The following MAPKAP1 variants were observed in gnomAD, a reference collection of about 807,000 sequenced individuals.
The protein encoded by MAPKAP1 is MAPK associated protein 1.
MAPKAP1 carries 20 observed loss-of-function variants against 65.7 expected under a neutral mutation model. The observed-to-expected ratio is 0.30, with a 90% CI of 0.21 to 0.44. MAPKAP1 has a LOEUF of 0.44. Ranked by LOEUF, MAPKAP1 falls within the 20% of genes least tolerant of loss-of-function variation. MAPKAP1 has a pLI of 1.00. For synonymous variants in MAPKAP1, 222 were observed against 244.3 expected (o/e 0.91, Z 0.85); for missense variants, 423 against 648.0 (o/e 0.65, Z 3.77).
At chr9:125,578,533 A>G (rs989093959) in intron 5 of MAPKAP1, among the ~76,000 whole-genome samples, 2 of 152,224 alleles carry the variant, frequency 1.3e-5, no homozygotes. Flanking sequence ...AATTATTAAC[A>G]TATCTAAAAC....
chr9:125,637,806 G>C (rs1054002706), intron 4 of MAPKAP1, among the ~76,000 whole-genome samples: 1 of 152,072 alleles, frequency 6.6e-6, no homozygotes, highest in Admixed American at 6.6e-5. Context: ...ACGGAATCTC[G>C]CTGTTTCCTA....
chr9:125,647,751 GC>G (rs1407434927), intron 4 of MAPKAP1, among the ~76,000 whole-genome samples: 2 of 152,182 alleles, frequency 1.3e-5, no homozygotes, highest in African/African-American at 2.4e-5. Context: ...GAGCTGGTAT[GC>G]AATAAATGTT....
chr9:125,455,514 T>C (rs558884318), intron 10 of MAPKAP1, among the ~76,000 whole-genome samples: 120 of 152,250 alleles, frequency 7.9e-4, no homozygotes, highest in Admixed American at 2.3e-3. Flanking sequence ...AAAAAAAATT[T>C]CACATTTTTT....
At chr9:125,671,193 G>C (rs117988304) in intron 2 of MAPKAP1, among the ~76,000 whole-genome samples, 1 of 152,084 alleles carries the variant, frequency 6.6e-6, no homozygotes. Flanking sequence ...GAAAATCAAT[G>C]GTTCTAAATT....
At chr9:125,559,055 C>T (rs1830816882) in intron 6 of MAPKAP1, 2 of 152,196 alleles carry the variant, frequency 1.3e-5, no homozygotes, top group Non-Finnish European at 2.9e-5. Flanking sequence ...AGTAAAGCCA[C>T]ACATATTACT....
chr9:125,625,885 C>T (rs1462714983), intron 4 of MAPKAP1, among the ~76,000 whole-genome samples: 1 of 152,184 alleles, frequency 6.6e-6, no homozygotes, highest in Non-Finnish European at 1.5e-5. Flanking sequence ...TTTTTAGTTT[C>T]AAGTTTTAAT....
Position 125,595,485 on chromosome 9 carries a change from T to G in MAPKAP1, c.499-9758A>C, listed in dbSNP as rs1832097855. ...AATAATATACATTAGCTGCTTATCA[T>G]AAAATTAATTTCAAAATCATATACC... On this transcript the variant is annotated intron_variant, in intron 4 of 11. Coordinates refer to ENST00000265960, the MANE Select transcript of MAPKAP1 (RefSeq NM_001006617.3). This position sits in a 1 kb window ranked among gnomAD's most constrained non-coding sequence, Gnocchi z 4.0. 9.5e-7 allele frequency: 1 copy of G among 1,050,238 alleles called. No homozygotes were observed. Among genetic ancestry groups the G allele is most frequent in the Non-Finnish European group, 1.2e-6 (1 of 860,778 alleles). 65.1% of individuals were successfully genotyped at this position (1,050,238 alleles called of 1,614,324 possible).
intron 8 of MAPKAP1, among the ~76,000 whole-genome samples, chr9:125,502,101 C>CT (rs569835380): frequency 1.3e-3 from 183 of 144,430 alleles, no homozygotes; most frequent in African/African-American, 1.5e-3. Flanking sequence ...CTTTCTTCTT[C>CT]TTTTTTTTTT....
intron 9 of MAPKAP1, among the ~76,000 whole-genome samples, chr9:125,483,191 A>G (rs2133034803): frequency 6.6e-6 from 1 of 152,290 alleles, no homozygotes; most frequent in South Asian, 2.1e-4. Flanking sequence ...ACCCTGCGTC[A>G]TTGGTACTAC....
In MAPKAP1 at chr9:125,567,482, C is replaced by A. The variant is rs1348638195; in HGVS notation, c.672-7673G>T. ...ATGCCATGGCAATATCAGAAAGTTA[C>A]CCTATATGGTCTAAAAAGGGGAGGC... On this transcript the variant is annotated intron_variant, in intron 5 of 11. Transcript: ENST00000265960. 3 of 152,346 alleles carry A rather than the reference C, an allele frequency of 2.0e-5. No individual in the cohort carries two copies. The South Asian group carries it at 6.2e-4, about 32-fold the overall frequency. 9.4% of individuals were successfully genotyped at this position (152,346 alleles called of 1,614,324 possible).
intron 9 of MAPKAP1, among the ~76,000 whole-genome samples, chr9:125,479,511 C>T (rs1252600141): frequency 5.4e-5 from 8 of 149,440 alleles, no homozygotes; most frequent in South Asian, 4.3e-4. Flanking sequence ...ACCCGGGAGG[C>T]GGAGGTTGCA....
intron 8 of MAPKAP1, among the ~76,000 whole-genome samples, chr9:125,491,302 G>C (rs535926635): frequency 5.3e-5 from 8 of 151,954 alleles, no homozygotes; most frequent in Non-Finnish European, 1.2e-4. Flanking sequence ...AAATTAGCTG[G>C]GTTTGGTGGC....
chr9:125,652,037 T>C (rs1588039978), intron 4 of MAPKAP1: 5 of 1,035,022 alleles, frequency 4.8e-6, no homozygotes, highest in Non-Finnish European at 6.3e-6. Flanking sequence ...CCCACAAGAA[T>C]AGCATATTTT....
chr9:125,652,323 A>G (rs1833918475), intron 4 of MAPKAP1: 2 of 1,053,316 alleles, frequency 1.9e-6, no homozygotes, highest in South Asian at 2.5e-5. Flanking sequence ...GCTAAAAGCT[A>G]TTAACCAGTA....
intron 1 of MAPKAP1, among the ~76,000 whole-genome samples, chr9:125,700,942 T>A (rs924642714): frequency 6.6e-6 from 1 of 152,206 alleles, no homozygotes; most frequent in South Asian, 2.1e-4. Context: ...AGGCACTGCA[T>A]GCACTGGGGG....
chr9:125,530,394 T>G (rs1025589434), intron 7 of MAPKAP1, among the ~76,000 whole-genome samples: 5 of 152,234 alleles, frequency 3.3e-5, no homozygotes, highest in African/African-American at 1.2e-4. Context: ...TTAAGTATAC[T>G]TCCTCTTTTA....
intron 9 of MAPKAP1, among the ~76,000 whole-genome samples, chr9:125,470,030 A>C (rs1285393608): frequency 6.6e-6 from 1 of 152,172 alleles, no homozygotes; most frequent in Non-Finnish European, 1.5e-5. Context: ...TTATGTGAAA[A>C]TAAACCGTGC....
At chr9:125,462,089 T>C (rs769001576) in intron 10 of MAPKAP1, among the ~76,000 whole-genome samples, 12 of 152,278 alleles carry the variant, frequency 7.9e-5, no homozygotes, top group Middle Eastern at 3.4e-3. Context: ...GCCTATCACA[T>C]GAGAAAGAGA....
chr9:125,528,734 C>T lies in MAPKAP1; in HGVS notation c.958+14325G>A, dbSNP rs1019284987. On this transcript the variant is annotated intron_variant, in intron 7 of 11. Transcript: ENST00000265960. ...TGGTGGCACATGCCTGTGGCGCCAG[C>T]TACTTGGGAGGCTGAGGCAGGAGAA... Among the ~76,000 whole-genome samples, 3 of 149,526 alleles carry T rather than the reference C, an allele frequency of 2.0e-5. No homozygotes were observed. The East Asian group carries it at 6.0e-4, about 30-fold the overall frequency.
Sources: allele counts gnomAD v4.1 joint callset (sites outside exome capture counted in the v4.1 genomes callset), GRCh38; gene constraint gnomAD v4.1.1; non-coding constraint Gnocchi (gnomAD v3.1); transcripts MANE v1.5; gene names NCBI Gene and HGNC (gene_info 2026-07-23, HGNC 2026-07-21).